The following GAREM1 variants were observed in gnomAD, a reference collection of about 807,000 sequenced individuals.
GAREM1 encodes the protein GRB2 associated regulator of MAPK1 subtype 1.
In GAREM1, 26 loss-of-function variants were observed where a neutral mutation model predicts 71.3. The observed-to-expected ratio is 0.36, with a 90% CI of 0.27 to 0.51. The LOEUF (loss-of-function observed/expected upper bound fraction) is 0.51, where lower values mean the gene tolerates loss of function less well. GAREM1 is among the 20% of genes least tolerant of loss of function. The probability of loss-of-function intolerance (pLI) is 0.95; values close to 1 mark genes in which losing one functional copy is unlikely to be tolerated. For synonymous variants in GAREM1, 440 were observed against 433.2 expected (o/e 1.02, Z -0.20); for missense variants, 1,026 against 1,103.1 (o/e 0.93, Z 0.99).
At chr18:32,466,121 T>C (rs1435503348) in intron 1 of GAREM1, among the ~76,000 whole-genome samples, 1 of 152,196 alleles carries the variant, frequency 6.6e-6, no homozygotes, top group East Asian at 1.9e-4. Context: ...CATTAAATAT[T>C]GAAAGTCTTA....
intron 2 of GAREM1, among the ~76,000 whole-genome samples, chr18:32,344,518 G>A (rs1341788922): frequency 1.3e-5 from 2 of 151,952 alleles, no homozygotes; most frequent in South Asian, 2.1e-4. Flanking sequence ...GCCTAATCAC[G>A]CTAAATGGGA....
chr18:32,268,905 C>A, intron 5 of GAREM1, 137 bp from the exon 6 acceptor site: 1 of 645,108 alleles, frequency 1.6e-6, no homozygotes, highest in Admixed American at 3.1e-5. Flanking sequence ...GCTAACTTCA[C>A]TGGGTTTTTT....
intron 1 of GAREM1, among the ~76,000 whole-genome samples, chr18:32,402,610 C>T (rs1348977673): frequency 6.6e-6 from 1 of 152,040 alleles, no homozygotes; most frequent in African/African-American, 2.4e-5. Context: ...TATCGAGGCT[C>T]CACCCTTAGC....
intron 4 of GAREM1, among the ~76,000 whole-genome samples, chr18:32,282,695 C>T (rs1156650697): frequency 6.6e-6 from 1 of 152,180 alleles, no homozygotes; most frequent in African/African-American, 2.4e-5. Context: ...CAGGTGTGAG[C>T]CACGGTGCCA....
intron 2 of GAREM1, among the ~76,000 whole-genome samples, chr18:32,366,246 C>T (rs532149761): frequency 1.2e-4 from 19 of 152,144 alleles, no homozygotes; most frequent in Non-Finnish European, 2.4e-4. Flanking sequence ...CCCATAGCAC[C>T]TAGTGCTTCC....
chr18:32,414,738 A>AT (rs1164662371), intron 1 of GAREM1, among the ~76,000 whole-genome samples: 5 of 152,102 alleles, frequency 3.3e-5, no homozygotes, highest in Non-Finnish European at 7.4e-5. Context: ...AAGGGAAGTT[A>AT]ATAGCTATAA....
chr18:32,357,956 T>C (rs551666564), intron 2 of GAREM1, among the ~76,000 whole-genome samples: 2 of 152,202 alleles, frequency 1.3e-5, no homozygotes, highest in African/African-American at 2.4e-5. Flanking sequence ...TCATACACTA[T>C]TGTTACTCTA....
At chr18:32,437,405 G>A (rs1474502307) in intron 1 of GAREM1, among the ~76,000 whole-genome samples, 1 of 151,354 alleles carries the variant, frequency 6.6e-6, no homozygotes. Context: ...AGTGAGAAAT[G>A]TTGTAAAAAC....
At chr18:32,412,446 G>A (rs953844677) in intron 1 of GAREM1, 5 of 1,589,564 alleles carry the variant, frequency 3.1e-6, no homozygotes, top group African/African-American at 1.3e-5. Context: ...AAATCCATTA[G>A]AGCCATCCCC....
intron 1 of GAREM1, among the ~76,000 whole-genome samples, chr18:32,401,649 G>A (rs372165615): frequency 7.2e-5 from 11 of 152,266 alleles, no homozygotes; most frequent in African/African-American, 2.6e-4. Context: ...AAATTAATCT[G>A]GCGGAACTCT....
chr18:32,303,000 C>G, intron 3 of GAREM1, among the ~76,000 whole-genome samples: 1 of 152,176 alleles, frequency 6.6e-6, no homozygotes, highest in East Asian at 1.9e-4. Flanking sequence ...CTGGGCAGAC[C>G]ACGCACGCAG....
At position 32,264,478 on chromosome 18, in the gene GAREM1, T is replaced by C. The variant is rs1253157990; in HGVS notation, c.*3393A>G. The C allele has an allele frequency of 1.3e-5, 2 of 152,196 alleles. No individual in the cohort carries two copies. The highest frequency in any genetic ancestry group is 6.5e-5 in the Admixed American group (1 of 15,288). 9.4% of individuals were successfully genotyped at this position (152,196 alleles called of 1,614,324 possible). ...TCCCTGGACTTCTCAGGGAGCTGTATGGATAACATGCAGGTGGCTGTGGAA... is the reference window on the plus strand; with the variant it reads ...TCCCTGGACTTCTCAGGGAGCTGTACGGATAACATGCAGGTGGCTGTGGAA... On this transcript the variant is annotated 3_prime_UTR_variant, in exon 6 of 6. Coordinates refer to ENST00000269209, the MANE Select transcript of GAREM1 (RefSeq NM_001242409.2).
At chr18:32,313,912 A>T (rs1421839492) in intron 2 of GAREM1, among the ~76,000 whole-genome samples, 1 of 152,136 alleles carries the variant, frequency 6.6e-6, no homozygotes, top group Non-Finnish European at 1.5e-5. Context: ...TTTGCTGGTG[A>T]GGGACCATGA....
chr18:32,264,570 T>A lies in GAREM1; in HGVS notation c.*3301A>T, dbSNP rs950414082. On this transcript the variant is annotated 3_prime_UTR_variant, in exon 6 of 6. Transcript: ENST00000269209. ...GAACGGACTGTCATAATATTTCCCA[T>A]AAGATTGTTGTATTTCGACATGAGA... is the stretch of plus-strand genomic sequence containing the variant. 4 of 152,194 alleles carry A rather than the reference T, an allele frequency of 2.6e-5. No individual in the cohort carries two copies. The highest frequency in any genetic ancestry group is 2.9e-5 in the Non-Finnish European group (2 of 68,030). The allele number at this position is 152,194 out of a possible 1,614,324, so 9.4% of individuals were successfully genotyped here. A position where few individuals can be genotyped will look rare whatever the true frequency, so the allele number is the denominator to read the frequency against.
At chr18:32,371,121 T>A (rs2047974258) in intron 2 of GAREM1, among the ~76,000 whole-genome samples, 1 of 148,360 alleles carries the variant, frequency 6.7e-6, no homozygotes, top group African/African-American at 2.5e-5. Context: ...ATCTTCCAGG[T>A]GGAGAGGACA....
chr18:32,384,074 T>C (rs1168614823), intron 2 of GAREM1, among the ~76,000 whole-genome samples: 2 of 152,176 alleles, frequency 1.3e-5, no homozygotes, highest in Non-Finnish European at 2.9e-5. Flanking sequence ...TTTTAAAAGT[T>C]CCTTTATTTC....
At chr18:32,448,408 G>T (rs996154935) in intron 1 of GAREM1, among the ~76,000 whole-genome samples, 3 of 152,200 alleles carry the variant, frequency 2.0e-5, no homozygotes, top group African/African-American at 7.2e-5. Flanking sequence ...GATCATGTCT[G>T]TTATGCTCTT....
intron 1 of GAREM1, among the ~76,000 whole-genome samples, chr18:32,424,786 T>G (rs2048558177): frequency 6.6e-6 from 1 of 152,226 alleles, no homozygotes; most frequent in African/African-American, 2.4e-5. Flanking sequence ...TTTACTCACT[T>G]TCCTTTGTGA....
chr18:32,296,966 T>C (rs999009667), intron 3 of GAREM1, among the ~76,000 whole-genome samples: 2 of 152,200 alleles, frequency 1.3e-5, no homozygotes, highest in African/African-American at 2.4e-5. Flanking sequence ...TACAAAAATA[T>C]AGATCAAAGG....
Sources: allele counts gnomAD v4.1 joint callset (sites outside exome capture counted in the v4.1 genomes callset), GRCh38; gene constraint gnomAD v4.1.1; transcripts MANE v1.5; gene names NCBI Gene and HGNC (gene_info 2026-07-23, HGNC 2026-07-21).